AHNAK: variants seen among roughly 807,000 people sequenced by gnomAD.
AHNAK encodes the protein AHNAK nucleoprotein.
In AHNAK, 23 loss-of-function variants were observed where a neutral mutation model predicts 37.8. The ratio of observed to expected loss-of-function variants is 0.61; its 90% CI spans 0.44 to 0.86. The LOEUF (loss-of-function observed/expected upper bound fraction) is 0.86, where lower values mean the gene tolerates loss of function less well. Among genes scored for constraint, AHNAK ranks in the 40% least tolerant of loss-of-function variants. AHNAK has a pLI of 0.00. For synonymous variants in AHNAK, 2,481 were observed against 2,636.3 expected (o/e 0.94, Z 1.80); for missense variants, 7,411 against 7,319.4 (o/e 1.01, Z -0.46).
chr11:62,530,725 A>G lies in AHNAK; in HGVS notation c.3692T>C (p.Ile1231Thr), dbSNP rs774031001. The change falls in exon 5 of 5, where the codon ATC becomes ACC. Residue 1231 changes from isoleucine to threonine, a missense_variant. Coordinates refer to ENST00000378024, the MANE Select transcript of AHNAK (RefSeq NM_001620.3). ...EGEMKVPDVE[I>T]KGPKMDIDAP... ...ATCAATGTCCATTTTGGGTCCTTTG[A>G]TTTCAACATCTGGCACTTTCATTTC... 2.5e-6 allele frequency: 4 copies of G among 1,613,632 alleles called. No homozygotes were observed. The highest frequency in any genetic ancestry group is 3.4e-6 in the Non-Finnish European group (4 of 1,179,976).
At chr11:62,441,977 G>A (rs1938316357) in intron 5 of AHNAK, among the ~76,000 whole-genome samples, 1 of 152,088 alleles carries the variant, frequency 6.6e-6, no homozygotes, top group South Asian at 2.1e-4. Flanking sequence ...GGGGTCACAA[G>A]TCGGCGCAAA....
rs201141229 is a variant in AHNAK at position 62,528,310 on chromosome 11, T to G, written c.6107A>C (p.Asp2036Ala). Residue 2036 changes from aspartate (D) to alanine (A), a missense_variant, in exon 5 of 5, where the codon GAT becomes GCT. Transcript: ENST00000378024. ...KGPKMDIDAP[D>A]VDVHGPDWHL... ...CCAGTCTGGGCCATGAACATCCACA[T>G]CTGGGGCATCAATGTCCATTTTGGG... 1 of 1,614,226 alleles carries G rather than the reference T, an allele frequency of 6.2e-7. No homozygotes were observed. Among genetic ancestry groups the G allele is most frequent in the East Asian group, 2.2e-5 (1 of 44,886 alleles).
At position 62,530,960 on chromosome 11, in the gene AHNAK, C is replaced by A. The variant is rs371799113; in HGVS notation, c.3457G>T (p.Ala1153Ser). 7 of 1,613,962 alleles carry A rather than the reference C, an allele frequency of 4.3e-6. No homozygotes were observed. In the African/African-American group the frequency reaches 9.3e-5, roughly 22 times the overall value. Residue 1153 changes from alanine to serine, a missense_variant, in exon 5 of 5, where the codon GCT becomes TCT. Physicochemically the swap from Ala to Ser is moderately conservative, Grantham distance 99. Coordinates refer to ENST00000378024, the MANE Select transcript of AHNAK (RefSeq NM_001620.3). Reference sequence around the variant, plus strand: ...TTGGGTCCTGAGACAACAACGTCAGCCTTAGGCAAGTTCACATCCACTTCT... The same window carrying A: ...TTGGGTCCTGAGACAACAACGTCAGACTTAGGCAAGTTCACATCCACTTCT... Reference protein sequence around the residue: ...GPEVDVNLPKADVVVSGPKVD... With the variant: ...GPEVDVNLPKSDVVVSGPKVD...
chr11:62,533,553 T>A lies in AHNAK; in HGVS notation c.864A>T (p.Ala288=), dbSNP rs757458976. 2 of 1,614,180 alleles carry A rather than the reference T, an allele frequency of 1.2e-6. No homozygotes were observed. Among genetic ancestry groups the A allele is most frequent in the South Asian group, 2.2e-5 (2 of 91,084 alleles). ...VDISSSLGGR[A]VEVQGPSLES... ...CCAGAGATGGGCCCTGTACCTCTAC[T>A]GCCCTACCCCCAAGAGAAGATGAAA... is the stretch of plus-strand genomic sequence containing the variant. The change falls in exon 5 of 5, where the codon GCA becomes GCT. Residue 288 remains alanine, a synonymous_variant. Coordinates refer to ENST00000378024, the MANE Select transcript of AHNAK (RefSeq NM_001620.3).
chr11:62,488,982 T>G (rs1478158485), intron 5 of AHNAK, among the ~76,000 whole-genome samples: 1 of 151,936 alleles, frequency 6.6e-6, no homozygotes, highest in Non-Finnish European at 1.5e-5. Context: ...GGCTCACACC[T>G]GTAATCCCAG....
intron 5 of AHNAK, among the ~76,000 whole-genome samples, chr11:62,454,412 C>G (rs1358004808): frequency 1.6e-5 from 2 of 126,150 alleles, no homozygotes; most frequent in African/African-American, 5.6e-5. Flanking sequence ...GACTCCATCT[C>G]AAAAAAAAAA....
At position 62,520,796 on chromosome 11, in the gene AHNAK, C is replaced by G; in HGVS notation, c.13621G>C (p.Val4541Leu). 2 of 1,613,960 alleles carry G rather than the reference C, an allele frequency of 1.2e-6. No homozygotes were observed. Among genetic ancestry groups the G allele is most frequent in the Non-Finnish European group, 1.7e-6 (2 of 1,179,964 alleles). ...PKIKGDMDIS[V>L]PKLEGDLKGP... is the part of the protein sequence containing the mutation. Reference sequence around the variant, plus strand: ...TTCAGATCTCCCTCCAGTTTAGGAACGGAAATGTCCATATCTCCTTTTATC... The same window carrying G: ...TTCAGATCTCCCTCCAGTTTAGGAAGGGAAATGTCCATATCTCCTTTTATC... Residue 4541 changes from valine to leucine, a missense_variant, in exon 5 of 5, where the codon GTT (valine) becomes CTT (leucine). Val to Leu is a conservative substitution (Grantham distance 32, BLOSUM62 1). Transcript: ENST00000378024.
At chr11:62,498,466 T>C (rs920793848) in intron 4 of AHNAK, among the ~76,000 whole-genome samples, 1 of 147,112 alleles carries the variant, frequency 6.8e-6, no homozygotes, top group Admixed American at 6.7e-5. Context: ...AATTAAAAAT[T>C]GAATCTTTGG....
At chr11:62,464,695 G>C (rs1318927755) in intron 5 of AHNAK, among the ~76,000 whole-genome samples, 1 of 151,960 alleles carries the variant, frequency 6.6e-6, no homozygotes, top group Non-Finnish European at 1.5e-5. Flanking sequence ...GCCAAGTATG[G>C]TGGCATGTAC....
intron 5 of AHNAK, among the ~76,000 whole-genome samples, chr11:62,444,626 T>C (rs932225547): frequency 1.3e-5 from 2 of 152,236 alleles, no homozygotes; most frequent in East Asian, 3.8e-4. Flanking sequence ...TCCGGTTTTC[T>C]TTCTCCTGCT....
Position 62,530,136 on chromosome 11 carries a change from A to G in AHNAK, c.4281T>C (p.Ile1427=). The change falls in exon 5 of 5, where the codon ATT becomes ATC. Residue 1427 remains isoleucine (I), a synonymous_variant. Transcript: ENST00000378024. ...CTTTTAGTTTTGCGTCTGGACCTTC[A>G]ATATTCACATCTGGAACTTCAGCAT... The part of the protein sequence containing the change: ...KMDAEVPDVN[I]EGPDAKLKGP... 1.2e-6 allele frequency: 2 copies of G among 1,614,058 alleles called. No homozygotes were observed. The highest frequency in any genetic ancestry group is 1.1e-5 in the South Asian group (1 of 91,080).
intron 5 of AHNAK, among the ~76,000 whole-genome samples, chr11:62,445,635 C>A (rs1298908499): frequency 1.3e-5 from 2 of 152,186 alleles, no homozygotes; most frequent in African/African-American, 4.8e-5. Context: ...GGGAGGATCA[C>A]TTGAGCACGG....
At position 62,506,040 on chromosome 11, in the gene AHNAK, G is replaced by T. The variant is rs79655631; in HGVS notation, c.343-14209C>A. 4.9e-5 allele frequency among the ~76,000 whole-genome samples: 7 copies of T among 143,960 alleles called. No homozygotes were observed. In the South Asian group the frequency reaches 1.5e-3, roughly 32 times the overall value. The allele number at this position is 143,960 out of a possible 152,430, so 94.4% of individuals were successfully genotyped here. On this transcript the variant is annotated intron_variant, in intron 4 of 5. Coordinates refer to the AHNAK transcript ENST00000257247. ...AAAAAAAAAAAAAAAAAAAAAAGGC[G>T]GGGGTGGGGGGATGGTTAACAAGCT... is the stretch of plus-strand genomic sequence containing the variant.
chr11:62,540,825 A>C (rs1408878688), intron 1 of AHNAK, among the ~76,000 whole-genome samples: 1 of 152,174 alleles, frequency 6.6e-6, no homozygotes, highest in East Asian at 1.9e-4. Context: ...TTCAGGCCAG[A>C]AGCAGCAAGA....
Position 62,520,472 on chromosome 11 carries a change from G to T in AHNAK, c.13945C>A (p.His4649Asn), listed in dbSNP as rs1940196117. The T allele has an allele frequency of 6.8e-6, 11 of 1,614,042 alleles. No individual in the cohort carries two copies. Among genetic ancestry groups the T allele is most frequent in the Middle Eastern group, 3.3e-4 (2 of 6,062 alleles). ...PDVDVQGPDW[H>N]LKMPKVKMPK... is the part of the protein sequence containing the mutation. The stretch of plus-strand genomic sequence containing the variant: ...ATTTTCACTTTGGGCATTTTTAGGT[G>T]CCAGTCTGGGCCTTGAACGTCCACA... Residue 4649 changes from histidine (H) to asparagine (N), a missense_variant, in exon 5 of 5, where the codon CAC becomes AAC. Coordinates refer to ENST00000378024, the MANE Select transcript of AHNAK (RefSeq NM_001620.3).
chr11:62,525,519 A>G lies in AHNAK; in HGVS notation c.8898T>C (p.Pro2966=). The change falls in exon 5 of 5, where the codon CCT becomes CCC. Residue 2966 remains proline (P), a synonymous_variant. Coordinates refer to ENST00000378024, the MANE Select transcript of AHNAK (RefSeq NM_001620.3). The stretch of plus-strand genomic sequence containing the variant: ...GACCTTTCAGATGCAAATCAAAGTC[A>G]GGCATGGGGATCTTGGGGGCTTTGA... ...MNIKAPKIPM[P]DFDLHLKGPK... 1 of 1,613,800 alleles carries G rather than the reference A, an allele frequency of 6.2e-7. No homozygotes were observed. Among genetic ancestry groups the G allele is most frequent in the Non-Finnish European group, 8.5e-7 (1 of 1,179,992 alleles).
At position 62,531,801 on chromosome 11, in the gene AHNAK, GTC is replaced by G; in HGVS notation, c.2614_2615del (p.Asp872LeufsTer33). On this transcript the variant is annotated frameshift_variant, in exon 5 of 5. Coordinates refer to ENST00000378024, the MANE Select transcript of AHNAK (RefSeq NM_001620.3). LOFTEE classifies it low-confidence loss of function (END_TRUNC). ...TCATCTTGGGCATCTTCAGGTGCCA[GTC>G]TGGGCCTTGAACCTCCACATCTGGG... The part of the protein sequence containing the change: ...DVPDVEVQGP[D>X]WHLKMPKMKM... 6.2e-7 allele frequency: 1 copy of G among 1,613,716 alleles called. No homozygotes were observed. Among genetic ancestry groups the G allele is most frequent in the Non-Finnish European group, 8.5e-7 (1 of 1,179,964 alleles).
At position 62,523,993 on chromosome 11, in the gene AHNAK, G is replaced by C; in HGVS notation, c.10424C>G (p.Pro3475Arg). 1 of 1,613,920 alleles carries C rather than the reference G, an allele frequency of 6.2e-7. No homozygotes were observed. Among genetic ancestry groups the C allele is most frequent in the Non-Finnish European group, 8.5e-7 (1 of 1,179,988 alleles). Residue 3475 changes from proline to arginine, a missense_variant, in exon 5 of 5, where the codon CCC becomes CGC. Coordinates refer to ENST00000378024, the MANE Select transcript of AHNAK (RefSeq NM_001620.3). Reference sequence around the variant, plus strand: ...ACTGAATTTGGGCATTTTCATCTTGGGCATTTTCAGATTCCAGTCTGGACC... The same window carrying C: ...ACTGAATTTGGGCATTTTCATCTTGCGCATTTTCAGATTCCAGTCTGGACC... ...VHGPDWNLKMPKMKMPKFSVS... is the reference protein window; with the variant it reads ...VHGPDWNLKMRKMKMPKFSVS...
In AHNAK at chr11:62,517,692, AC is replaced by A. The variant is rs748415528; in HGVS notation, c.16724del (p.Gly5575ValfsTer14). 6.2e-7 allele frequency: 1 copy of A among 1,613,730 alleles called. No individual in the cohort carries two copies. The highest frequency in any genetic ancestry group is 1.7e-5 in the Admixed American group (1 of 59,962). On this transcript the variant is annotated frameshift_variant, in exon 5 of 5. Coordinates refer to ENST00000378024, the MANE Select transcript of AHNAK (RefSeq NM_001620.3). LOFTEE classifies it high-confidence loss of function. ...CAAGGCTGATGTCTGGGGCACTGAC[AC>A]CCCCTGAAACATCCGCACCTCCTTT... ...KIKGGADVSG[G>X]VSAPDISLGE...
Sources: allele counts gnomAD v4.1 joint callset (sites outside exome capture counted in the v4.1 genomes callset), GRCh38; gene constraint gnomAD v4.1.1; transcripts MANE v1.5; gene names NCBI Gene and HGNC (gene_info 2026-07-23, HGNC 2026-07-21).